The following GALNT1 variants were observed in gnomAD, a reference collection of about 807,000 sequenced individuals.
GALNT1 encodes the protein polypeptide N-acetylgalactosaminyltransferase 1.
Under a neutral mutation model 65.7 loss-of-function variants are expected in GALNT1, and 17 were observed. The ratio of observed to expected loss-of-function variants is 0.26; its 90% confidence interval spans 0.18 to 0.39. The LOEUF (loss-of-function observed/expected upper bound fraction) is 0.39, where lower values mean the gene tolerates loss of function less well. Ranked by LOEUF, GALNT1 falls within the 10% of genes least tolerant of loss-of-function variation. The pLI is 1.00. For missense variants in GALNT1, 460 were observed against 672.8 expected, an observed-to-expected ratio of 0.68 and a Z score of 3.50; for synonymous variants, 210 against 219.7, an observed-to-expected ratio of 0.96 and a Z score of 0.39.
In GALNT1 at chr18:35,623,804, GTTA is replaced by G. The variant is rs532236816; in HGVS notation, c.-103-30749_-103-30747del. 3.3e-5 allele frequency among the ~76,000 whole-genome samples: 5 copies of G among 152,168 alleles called. No individual in the cohort carries two copies. In the South Asian group the frequency reaches 6.2e-4, roughly 19 times the overall value. On this transcript the variant is annotated intron_variant, in intron 1 of 11. Transcript: ENST00000269195. Reference sequence around the variant, plus strand: ...GTTTGATAAGAGTTTCCTCTGTTCAGTTATTATTAATTTCTTGAACATATTTAT... The same window carrying G: ...GTTTGATAAGAGTTTCCTCTGTTCAGTTATTAATTTCTTGAACATATTTAT...
intron 1 of GALNT1, among the ~76,000 whole-genome samples, chr18:35,626,789 G>T (rs1242933074): frequency 6.6e-6 from 1 of 152,162 alleles, no homozygotes; most frequent in Non-Finnish European, 1.5e-5. Flanking sequence ...CCTCAAGATG[G>T]TTACATTACT....
At chr18:35,604,198 C>G (rs905789923) in intron 1 of GALNT1, among the ~76,000 whole-genome samples, 1 of 152,084 alleles carries the variant, frequency 6.6e-6, no homozygotes, top group African/African-American at 2.4e-5. Flanking sequence ...TTTTAATTCA[C>G]TTAGGATAAT....
chr18:35,666,943 T>TA (rs2047557547), intron 3 of GALNT1, among the ~76,000 whole-genome samples: 9 of 151,844 alleles, frequency 5.9e-5, no homozygotes, highest in South Asian at 2.1e-4. Flanking sequence ...ATAACCTTTT[T>TA]TAAAAAAAAA....
intron 1 of GALNT1, among the ~76,000 whole-genome samples, chr18:35,645,643 T>TAAAACC (rs1022839434): frequency 6.6e-6 from 1 of 152,250 alleles, no homozygotes; most frequent in African/African-American, 2.4e-5. Context: ...TCTAATGGTT[T>TAAAACC]ATCTTTTGAT....
At chr18:35,669,580 T>G (rs982585655) in intron 3 of GALNT1, among the ~76,000 whole-genome samples, 1 of 152,230 alleles carries the variant, frequency 6.6e-6, no homozygotes, top group African/African-American at 2.4e-5. Flanking sequence ...GGCGATAAGT[T>G]ATGTGATCAT....
At chr18:35,614,905 G>T (rs945555344) in intron 1 of GALNT1, among the ~76,000 whole-genome samples, 3 of 150,740 alleles carry the variant, frequency 2.0e-5, no homozygotes, top group Non-Finnish European at 4.4e-5. Context: ...AAAAAGAGAG[G>T]GCAAGATCTT....
intron 9 of GALNT1, among the ~76,000 whole-genome samples, chr18:35,699,818 A>G (rs1184592468): frequency 6.6e-6 from 1 of 152,092 alleles, no homozygotes; most frequent in African/African-American, 2.4e-5. Context: ...CCAAATACCT[A>G]TTTTCATCCC....
chr18:35,663,530 G>A, intron 2 of GALNT1, 98 bp from the exon 3 acceptor site: 1 of 1,279,658 alleles, frequency 7.8e-7, no homozygotes, highest in Non-Finnish European at 1.1e-6. Flanking sequence ...GGTTCTGGTT[G>A]TTGAGGGCAC....
intron 3 of GALNT1, among the ~76,000 whole-genome samples, chr18:35,672,592 C>A (rs892635852): frequency 6.6e-6 from 1 of 152,102 alleles, no homozygotes; most frequent in Non-Finnish European, 1.5e-5. Flanking sequence ...CTGCCAATAA[C>A]TTCTACTGCC....
Position 35,711,802 on chromosome 18 carries a change from A to G in GALNT1, c.*2032A>G, listed in dbSNP as rs1352866419. The stretch of plus-strand genomic sequence containing the variant: ...TTATTTTTCTAATTAAAGAATTCCT[A>G]AATACTTTGAAAATACAAAATATTC... On this transcript the variant is annotated 3_prime_UTR_variant, in exon 12 of 12. Transcript: ENST00000269195. The G allele has an allele frequency of 6.6e-6, 1 of 152,190 alleles. No homozygotes were observed. The highest frequency in any genetic ancestry group is 1.9e-4 in the East Asian group (1 of 5,208). 9.4% of individuals were successfully genotyped at this position (152,190 alleles called of 1,614,324 possible).
chr18:35,685,406 T>G (rs2047853039), intron 5 of GALNT1, among the ~76,000 whole-genome samples: 1 of 152,014 alleles, frequency 6.6e-6, no homozygotes, highest in Non-Finnish European at 1.5e-5. Flanking sequence ...TCACTGAAAT[T>G]TAACATGAAT....
At chr18:35,626,354 A>G (rs1039079584) in intron 1 of GALNT1, among the ~76,000 whole-genome samples, 5 of 152,176 alleles carry the variant, frequency 3.3e-5, no homozygotes, top group Non-Finnish European at 7.3e-5. Flanking sequence ...TGATTCTGTG[A>G]TAGACTAAGT....
chr18:35,709,635 G>T lies in GALNT1; in HGVS notation c.1545G>T (p.Leu515=), dbSNP rs766474148. The stretch of plus-strand genomic sequence containing the variant: ...TTTTTCTATTTCAGAAATTAACCCT[G>T]CAGCATGTGAACAGTAATCAGTGCC... ...LWEYDPVKLT[L]QHVNSNQCLD... Residue 515 remains leucine, a synonymous_variant, in exon 12 of 12, where the codon CTG becomes CTT. Coordinates refer to ENST00000269195, the MANE Select transcript of GALNT1 (RefSeq NM_020474.4). 1.2e-6 allele frequency: 2 copies of T among 1,613,864 alleles called. No homozygotes were observed. The highest frequency in any genetic ancestry group is 1.7e-6 in the Non-Finnish European group (2 of 1,179,904).
intron 1 of GALNT1, among the ~76,000 whole-genome samples, chr18:35,647,140 G>T (rs1434617177): frequency 6.6e-6 from 1 of 152,148 alleles, no homozygotes; most frequent in Non-Finnish European, 1.5e-5. Flanking sequence ...CCTTTCTGCT[G>T]TAGAGCCTTT....
In GALNT1 at chr18:35,621,069, G is replaced by A. The variant is rs551198002; in HGVS notation, c.-103-33491G>A. Among the ~76,000 whole-genome samples, 255 of 152,072 alleles carry A rather than the reference G, an allele frequency of 1.7e-3. 1 individual carries two copies. Among genetic ancestry groups the A allele is most frequent in the Non-Finnish European group, 3.2e-3 (216 of 67,986 alleles). ...TTTTCCTGAGTACTACGGAGATTGA[G>A]CATATTTTTATGTTGTCTTATATGT... On this transcript the variant is annotated intron_variant, in intron 1 of 11. Coordinates refer to ENST00000269195, the MANE Select transcript of GALNT1 (RefSeq NM_020474.4).
intron 1 of GALNT1, among the ~76,000 whole-genome samples, chr18:35,588,336 G>T (rs1316235216): frequency 6.6e-6 from 1 of 152,100 alleles, no homozygotes; most frequent in Non-Finnish European, 1.5e-5. Flanking sequence ...GAAAGGAATC[G>T]TTTTTCTCTC....
intron 4 of GALNT1, among the ~76,000 whole-genome samples, chr18:35,682,639 G>T (rs554929116): frequency 6.6e-6 from 1 of 152,152 alleles, no homozygotes; most frequent in South Asian, 2.1e-4. Flanking sequence ...AACTTTGGAG[G>T]TAAGGTTTAT....
intron 3 of GALNT1, among the ~76,000 whole-genome samples, chr18:35,670,402 T>G (rs968950610): frequency 9.2e-5 from 14 of 152,116 alleles, no homozygotes; most frequent in Admixed American, 7.9e-4. Context: ...AGCTAGAAAA[T>G]AAAACAATTT....
rs753348347 is a variant in GALNT1 at position 35,689,239 on chromosome 18, T to C, written c.927T>C (p.Tyr309=). 5.6e-5 allele frequency: 91 copies of C among 1,612,824 alleles called. No individual in the cohort carries two copies. In the East Asian group the frequency reaches 1.9e-3, roughly 33 times the overall value. ...DRDYFQEIGT[Y]DAGMDIWGGE... is the part of the protein sequence containing the mutation. ...ATTACTTTCAGGAAATTGGAACATA[T>C]GATGCTGGAATGGATATTTGGGGAG... The change falls in exon 7 of 12, where the codon TAT becomes TAC. Residue 309 remains tyrosine (Y), a synonymous_variant. Coordinates refer to ENST00000269195, the MANE Select transcript of GALNT1 (RefSeq NM_020474.4).
Sources: gnomAD v4.1 joint callset for allele counts (sites outside exome capture counted in the v4.1 genomes callset) on GRCh38, gnomAD v4.1.1 for gene constraint, MANE v1.5 for transcripts, NCBI Gene and HGNC (gene_info 2026-07-23, HGNC 2026-07-21) for gene names.